Variants in SUMF1 observed in about 807,000 individuals in gnomAD.
The protein encoded by SUMF1 is sulfatase modifying factor 1.
A neutral mutation model predicts 47.6 loss-of-function variants in SUMF1; 48 were observed. That is an observed-to-expected ratio of 1.01 (90% CI 0.80 to 1.28). SUMF1 has a LOEUF of 1.28. Ranked by LOEUF, SUMF1 falls within the 50% of genes most tolerant of loss-of-function variation. The pLI is 0.00. For synonymous variants in SUMF1, 230 were observed against 192.1 expected (o/e 1.20, Z -1.63); for missense variants, 571 against 485.4 (o/e 1.18, Z -1.66).
intron 8 of SUMF1, among the ~76,000 whole-genome samples, chr3:4,115,563 G>C (rs953959858): frequency 3.4e-5 from 4 of 117,014 alleles, no homozygotes; most frequent in Admixed American, 8.7e-5. Context: ...CGCTCCTCAC[G>C]ACCTGCCAGT....
chr3:4,124,000 T>A (rs1005144176), intron 8 of SUMF1, among the ~76,000 whole-genome samples: 1 of 152,132 alleles, frequency 6.6e-6, no homozygotes, highest in Admixed American at 6.5e-5. Context: ...TTCAGCTCCT[T>A]TTCTAAAAGC....
intron 8 of SUMF1, among the ~76,000 whole-genome samples, chr3:4,237,349 T>C (rs992392318): frequency 3.9e-5 from 6 of 152,148 alleles, no homozygotes; most frequent in African/African-American, 1.4e-4. Flanking sequence ...GTATCTCATT[T>C]TTTTAAATTT....
chr3:4,360,918 T>G (rs17040492), downstream of SUMF1, among the ~76,000 whole-genome samples: 3,033 of 152,284 alleles, frequency 0.02, 105 homozygotes, highest in African/African-American at 0.069. Flanking sequence ...TGCCTTTGAC[T>G]TGGCATTATC....
At chr3:4,115,285 G>A (rs1693396126) in intron 8 of SUMF1, among the ~76,000 whole-genome samples, 1 of 151,952 alleles carries the variant, frequency 6.6e-6, no homozygotes, top group South Asian at 2.1e-4. Context: ...CATTTACCTC[G>A]CTGAGAGCTA....
At chr3:4,424,010 C>A (rs1177058949) in intron 3 of SUMF1, among the ~76,000 whole-genome samples, 1 of 152,300 alleles carries the variant, frequency 6.6e-6, no homozygotes, top group East Asian at 1.9e-4. Context: ...GCCAAACAGA[C>A]CTCTTTCTTT....
chr3:4,154,447 C>T (rs1464214079), intron 8 of SUMF1, among the ~76,000 whole-genome samples: 1 of 151,626 alleles, frequency 6.6e-6, no homozygotes, highest in Non-Finnish European at 1.5e-5. Context: ...TGGGCACCAA[C>T]TATGTTCCAG....
intron 8 of SUMF1, among the ~76,000 whole-genome samples, chr3:4,196,034 G>A (rs1465559634): frequency 6.6e-6 from 1 of 151,994 alleles, no homozygotes; most frequent in African/African-American, 2.4e-5. Context: ...ACAGTAAAAA[G>A]CACTATATGA....
Position 4,184,145 on chromosome 3 carries a change from T to TA in SUMF1, c.1015-115401dup, listed in dbSNP as rs575408617. Among the ~76,000 whole-genome samples the TA allele has an allele frequency of 7.6e-3, 1,066 of 139,896 alleles. 13 individuals carry two copies. The highest frequency in any genetic ancestry group is 0.03 in the East Asian group (145 of 4,822). The allele number at this position is 139,896 out of a possible 152,430, so 91.8% of individuals were successfully genotyped here. On this transcript the variant is annotated intron_variant and NMD_transcript_variant, in intron 8 of 12. Transcript: ENST00000448413. ...ATGTGACCCTGTCTCGAAAAAAAAT[T>TA]AAAAAAAAAAAAGAAAAAAGGCAAA...
intron 8 of SUMF1, among the ~76,000 whole-genome samples, chr3:4,092,569 G>A (rs912543788): frequency 6.6e-6 from 1 of 152,046 alleles, no homozygotes; most frequent in African/African-American, 2.4e-5. Context: ...CCTTCAAATT[G>A]GTTAACCATG....
intron 8 of SUMF1, among the ~76,000 whole-genome samples, chr3:4,367,134 G>T (rs536840778): frequency 3.9e-4 from 59 of 152,274 alleles, no homozygotes; most frequent in African/African-American, 1.3e-3. Context: ...CCTACTGGGG[G>T]GGTGCCTCAC....
intron 8 of SUMF1, among the ~76,000 whole-genome samples, chr3:4,267,523 G>A (rs1368039296): frequency 6.6e-6 from 1 of 152,148 alleles, no homozygotes; most frequent in African/African-American, 2.4e-5. Context: ...AGAGGTGTTT[G>A]TAGTATTCTC....
At chr3:4,345,744 T>G (rs994069068) in intron 8 of SUMF1, among the ~76,000 whole-genome samples, 3 of 152,218 alleles carry the variant, frequency 2.0e-5, no homozygotes, top group Admixed American at 2.0e-4. Context: ...GCTGGCAAAT[T>G]GGATAAGGAG....
chr3:4,456,878 A>ATATATACG, intron 1 of SUMF1, among the ~76,000 whole-genome samples: 1 of 41,590 alleles, frequency 2.4e-5, no homozygotes, highest in African/African-American at 9.0e-5. Flanking sequence ...GTATATCTAT[A>ATATATACG]TGTGTGTGTA....
chr3:4,182,845 T>C (rs918654745), intron 8 of SUMF1, among the ~76,000 whole-genome samples: 11 of 152,084 alleles, frequency 7.2e-5, no homozygotes, highest in Admixed American at 5.9e-4. Flanking sequence ...ATCACAATAA[T>C]CCTAGAGGTA....
intron 8 of SUMF1, among the ~76,000 whole-genome samples, chr3:4,161,511 T>C (rs1165600707): frequency 3.9e-5 from 6 of 152,040 alleles, no homozygotes; most frequent in Non-Finnish European, 7.4e-5. Flanking sequence ...ACACAAATCG[T>C]AAGACAAAGT....
At chr3:4,411,515 T>C (rs1327001741) in intron 6 of SUMF1, among the ~76,000 whole-genome samples, 1 of 152,194 alleles carries the variant, frequency 6.6e-6, no homozygotes, top group Non-Finnish European at 1.5e-5. Context: ...AAAGAAAATG[T>C]GAATCCATTA....
intron 1 of SUMF1, among the ~76,000 whole-genome samples, chr3:4,465,488 A>AT (rs1205232662): frequency 2.0e-5 from 3 of 151,814 alleles, no homozygotes; most frequent in African/African-American, 4.8e-5. Flanking sequence ...AAAAAAAAAA[A>AT]AAGAAAAGAA....
At chr3:4,046,918 G>T (rs1238843507) in intron 9 of SUMF1, among the ~76,000 whole-genome samples, 1 of 151,940 alleles carries the variant, frequency 6.6e-6, no homozygotes, top group Non-Finnish European at 1.5e-5. Flanking sequence ...AATAAAATTT[G>T]AACCCTGAAT....
chr3:4,183,002 A>G (rs573654030), intron 8 of SUMF1, among the ~76,000 whole-genome samples: 1 of 152,240 alleles, frequency 6.6e-6, no homozygotes, highest in South Asian at 2.1e-4. Context: ...GGTTGGCTTG[A>G]GGGTTTAATG....
Sources: gnomAD v4.1 joint callset for allele counts (sites outside exome capture counted in the v4.1 genomes callset) on GRCh38, gnomAD v4.1.1 for gene constraint, MANE v1.5 for transcripts, NCBI Gene and HGNC (gene_info 2026-07-23, HGNC 2026-07-21) for gene names.